The following CERT1 variants were observed in gnomAD, a reference collection of about 807,000 sequenced individuals.
The protein encoded by CERT1 is ceramide transporter 1.
In CERT1, 31 loss-of-function variants were observed where a neutral mutation model predicts 87.9. The observed-to-expected ratio is 0.35, with a 90% CI of 0.27 to 0.48. The LOEUF is 0.48. Among genes scored for constraint, CERT1 ranks in the 20% least tolerant of loss-of-function variants. The pLI is 0.99. For missense variants in CERT1, 487 were observed against 758.0 expected (o/e 0.64, Z 4.20); for synonymous variants, 289 against 250.9 (o/e 1.15, Z -1.44).
chr5:75,374,199 A>G (rs1241856068), downstream of CERT1: 2 of 132,196 alleles, frequency 1.5e-5, no homozygotes, highest in Non-Finnish European at 3.0e-5. Flanking sequence ...TCACTGAAGG[A>G]AAAAAAAAAA....
intron 11 of CERT1, among the ~76,000 whole-genome samples, chr5:75,395,908 C>A (rs1391955501): frequency 2.0e-5 from 3 of 151,952 alleles, no homozygotes; most frequent in Non-Finnish European, 4.4e-5. Flanking sequence ...ACAACAACAA[C>A]AAAAACACAG....
intron 3 of CERT1, among the ~76,000 whole-genome samples, chr5:75,434,173 C>T (rs1763988903): frequency 6.8e-6 from 1 of 146,662 alleles, no homozygotes; most frequent in Non-Finnish European, 1.5e-5. Flanking sequence ...CCTTCAATGC[C>T]TAGTTTGTTG....
At position 75,381,939 on chromosome 5, in the gene CERT1, A is replaced by G. The variant is rs1580692709; in HGVS notation, c.1617+10T>C. ...TGTTTAATTATACACATTTATATACATGTACTTACAGGAGCACTGTCATGA... is the reference window on the plus strand; with the variant it reads ...TGTTTAATTATACACATTTATATACGTGTACTTACAGGAGCACTGTCATGA... On this transcript the variant is annotated intron_variant, in intron 15 of 16. Transcript: ENST00000643780. 6.2e-7 allele frequency: 1 copy of G among 1,610,002 alleles called. No homozygotes were observed. The highest frequency in any genetic ancestry group is 8.5e-7 in the Non-Finnish European group (1 of 1,177,994).
intron 1 of CERT1, among the ~76,000 whole-genome samples, chr5:75,510,392 A>C (rs1027129413): frequency 3.9e-5 from 6 of 152,196 alleles, no homozygotes; most frequent in Admixed American, 2.0e-4. Context: ...TTTAAAAAAT[A>C]TATAAAAGAT....
intron 3 of CERT1, among the ~76,000 whole-genome samples, chr5:75,457,959 ATGTGTGTGTGTGTGTGTGTGTGGTATGTG>A (rs1469816368): frequency 6.8e-6 from 1 of 146,706 alleles, no homozygotes; most frequent in African/African-American, 2.5e-5. Context: ...CCTGTTAAAA[ATGTGTGTGTGTGTGTGTGTGTGGTATGTG>A]TGTGTGTGTT....
At chr5:75,487,812 G>A (rs567678039) in intron 2 of CERT1, among the ~76,000 whole-genome samples, 3 of 151,916 alleles carry the variant, frequency 2.0e-5, no homozygotes, top group Admixed American at 1.3e-4. Context: ...ATAAGTGTCC[G>A]ACAACAGATG....
At chr5:75,478,464 G>A (rs914598151) in intron 2 of CERT1, among the ~76,000 whole-genome samples, 1 of 152,110 alleles carries the variant, frequency 6.6e-6, no homozygotes, top group Non-Finnish European at 1.5e-5. Flanking sequence ...CGGAGGACAA[G>A]ATAAGATGCA....
intron 3 of CERT1, among the ~76,000 whole-genome samples, chr5:75,428,867 C>G (rs1763743086): frequency 1.3e-5 from 2 of 151,996 alleles, no homozygotes; most frequent in Non-Finnish European, 2.9e-5. Context: ...AAAATCTTCC[C>G]TTGTGTCCTA....
chr5:75,456,665 A>G lies in CERT1; in HGVS notation c.348+2400T>C, dbSNP rs961514920. On this transcript the variant is annotated intron_variant, in intron 3 of 16. Transcript: ENST00000643780. ...TGGGTGACAAAGTGACCTCATCTCAAAAAAAAAAAAAAAAAAAAAAAGAAA... is the reference window on the plus strand; with the variant it reads ...TGGGTGACAAAGTGACCTCATCTCAGAAAAAAAAAAAAAAAAAAAAAGAAA... 3.4e-3 allele frequency among the ~76,000 whole-genome samples: 149 copies of G among 44,476 alleles called. 1 individual carries two copies. Among genetic ancestry groups the G allele is most frequent in the Admixed American group, 8.0e-3 (41 of 5,118 alleles). 29.2% of individuals were successfully genotyped at this position (44,476 alleles called of 152,430 possible).
At chr5:75,474,344 A>G (rs2112365051) in intron 2 of CERT1, among the ~76,000 whole-genome samples, 1 of 152,288 alleles carries the variant, frequency 6.6e-6, no homozygotes, top group South Asian at 2.1e-4. Context: ...CTCCCAGCTG[A>G]ATAAAGCCCT....
At chr5:75,415,479 T>C (rs1336086456) in intron 7 of CERT1, among the ~76,000 whole-genome samples, 1 of 152,166 alleles carries the variant, frequency 6.6e-6, no homozygotes, top group Non-Finnish European at 1.5e-5. Flanking sequence ...TTAACAATGC[T>C]GAAAGCAATC....
At chr5:75,480,860 C>T (rs1056516285) in intron 2 of CERT1, among the ~76,000 whole-genome samples, 1 of 152,142 alleles carries the variant, frequency 6.6e-6, no homozygotes, top group Non-Finnish European at 1.5e-5. Flanking sequence ...AAGTGCTTTT[C>T]GTAATCTCCA....
intron 7 of CERT1, among the ~76,000 whole-genome samples, chr5:75,413,666 T>TAC (rs1763020425): frequency 6.7e-6 from 1 of 149,658 alleles, no homozygotes; most frequent in South Asian, 2.2e-4. Context: ...CACCAACACC[T>TAC]ATACACACAC....
chr5:75,475,421 GCC>G (rs974778468), intron 2 of CERT1, among the ~76,000 whole-genome samples: 2 of 152,108 alleles, frequency 1.3e-5, no homozygotes, highest in African/African-American at 4.8e-5. Flanking sequence ...GTCTGCTGCT[GCC>G]CCACCTTCCC....
chr5:75,385,861 T>A (rs1379143543), intron 13 of CERT1, 41 bp downstream of exon 13: 1 of 1,348,514 alleles, frequency 7.4e-7, no homozygotes, highest in Non-Finnish European at 9.6e-7. Context: ...GATATTAAAT[T>A]CAAAATAATA....
intron 3 of CERT1, among the ~76,000 whole-genome samples, chr5:75,432,760 GA>G (rs1443564274): frequency 6.6e-6 from 1 of 152,204 alleles, no homozygotes; most frequent in Non-Finnish European, 1.5e-5. Flanking sequence ...ACTTCTTCAT[GA>G]AATCTTCACC....
intron 3 of CERT1, among the ~76,000 whole-genome samples, chr5:75,434,061 C>CTTT (rs1313575354): frequency 6.6e-6 from 1 of 151,880 alleles, no homozygotes; most frequent in Admixed American, 6.6e-5. Flanking sequence ...ACATCCTTGT[C>CTTT]TTTTCCTGGT....
intron 2 of CERT1, among the ~76,000 whole-genome samples, chr5:75,475,368 A>T (rs886261154): frequency 1.3e-5 from 2 of 152,158 alleles, no homozygotes; most frequent in Admixed American, 1.3e-4. Flanking sequence ...CACCAAATTT[A>T]GTGTAATGTT....
chr5:75,471,537 G>A (rs1016679647), intron 2 of CERT1, among the ~76,000 whole-genome samples: 13 of 151,872 alleles, frequency 8.6e-5, no homozygotes, highest in African/African-American at 2.9e-4. Flanking sequence ...GAGGCAGGCA[G>A]ATCATGAGGT....
Sources: allele counts gnomAD v4.1 joint callset (sites outside exome capture counted in the v4.1 genomes callset), GRCh38; gene constraint gnomAD v4.1.1; transcripts MANE v1.5; gene names NCBI Gene and HGNC (gene_info 2026-07-23, HGNC 2026-07-21).